The following CNTNAP2 variants were observed in gnomAD, a reference collection of about 807,000 sequenced individuals.
The protein encoded by CNTNAP2 is contactin associated protein 2.
A neutral mutation model predicts 155.2 loss-of-function variants in CNTNAP2; 98 were observed. That is an observed-to-expected ratio of 0.63 (90% CI 0.54 to 0.75). The LOEUF is 0.75. Among genes scored for constraint, CNTNAP2 ranks in the 30% least tolerant of loss-of-function variants. The probability of loss-of-function intolerance (pLI) is 0.00; values close to 1 mark genes in which losing one functional copy is unlikely to be tolerated. For missense variants in CNTNAP2, 1,727 were observed against 1,688.1 expected (o/e 1.02, Z -0.40); for synonymous variants, 651 against 631.2 (o/e 1.03, Z -0.47).
rs543316075 is a variant in CNTNAP2 at position 147,944,820 on chromosome 7, A to G, written c.2256-33042A>G. Among the ~76,000 whole-genome samples, 14 of 152,262 alleles carry G rather than the reference A, an allele frequency of 9.2e-5. No homozygotes were observed. The South Asian group carries it at 1.9e-3, about 20-fold the overall frequency. On this transcript the variant is annotated intron_variant, in intron 14 of 23. Transcript: ENST00000361727. ...TTATTTTTCCTCCTTTCTCTCCCCA[A>G]TGTTGGCTGAGTTATGTTTATACCT...
chr7:146,264,108 T>A (rs1799959455), intron 1 of CNTNAP2, among the ~76,000 whole-genome samples: 1 of 152,060 alleles, frequency 6.6e-6, no homozygotes, highest in Non-Finnish European at 1.5e-5. Flanking sequence ...TCCAATGCTG[T>A]CAGTCAACAA....
At chr7:146,532,345 G>C (rs994275675) in intron 1 of CNTNAP2, among the ~76,000 whole-genome samples, 2 of 152,164 alleles carry the variant, frequency 1.3e-5, no homozygotes, top group African/African-American at 4.8e-5. Flanking sequence ...ATGGAAAAGT[G>C]TGTTGATGGG....
At chr7:147,584,843 C>T (rs931095384) in intron 12 of CNTNAP2, among the ~76,000 whole-genome samples, 1 of 152,136 alleles carries the variant, frequency 6.6e-6, no homozygotes, top group African/African-American at 2.4e-5. Context: ...CTGAGGTGGC[C>T]TCTTGGGGAA....
chr7:146,527,488 A>T (rs571650435), intron 1 of CNTNAP2, among the ~76,000 whole-genome samples: 1 of 150,196 alleles, frequency 6.7e-6, no homozygotes, highest in African/African-American at 2.5e-5. Flanking sequence ...ATCAGGCTCA[A>T]TGTCATATGT....
rs563215584 is a variant in CNTNAP2 at position 147,688,607 on chromosome 7, GA to G, written c.2098+49304del. ...TAACATTATTTTTCTCCTACAGATG[GA>G]AATGGAAGAGAGGAGAATAAAAATT... is the stretch of plus-strand genomic sequence containing the variant. On this transcript the variant is annotated intron_variant, in intron 13 of 23. Coordinates refer to ENST00000361727, the MANE Select transcript of CNTNAP2 (RefSeq NM_014141.6). 1.1e-4 allele frequency among the ~76,000 whole-genome samples: 16 copies of G among 152,200 alleles called. No individual in the cohort carries two copies. The South Asian group carries it at 2.5e-3, about 24-fold the overall frequency.
chr7:147,072,777 CTGT>C (rs1441824407), intron 4 of CNTNAP2, among the ~76,000 whole-genome samples: 1 of 150,966 alleles, frequency 6.6e-6, no homozygotes, highest in African/African-American at 2.4e-5. Context: ...GATCACACAT[CTGT>C]TGTTTTTTTT....
intron 4 of CNTNAP2, among the ~76,000 whole-genome samples, chr7:147,088,535 A>G: frequency 6.6e-6 from 1 of 152,242 alleles, no homozygotes; most frequent in East Asian, 1.9e-4. Context: ...AATACATAGT[A>G]GTCAGTCATA....
At position 147,043,981 on chromosome 7, in the gene CNTNAP2, G is replaced by C. The variant is rs759357451; in HGVS notation, c.477G>C (p.Val159=). 6.2e-7 allele frequency: 1 copy of C among 1,614,106 alleles called. No individual in the cohort carries two copies. Among genetic ancestry groups the C allele is most frequent in the Non-Finnish European group, 8.5e-7 (1 of 1,180,036 alleles). The change falls in exon 4 of 24, where the codon GTG becomes GTC. Residue 159 remains valine, a synonymous_variant. Coordinates refer to ENST00000361727, the MANE Select transcript of CNTNAP2 (RefSeq NM_014141.6). ...AGCATCCGATTATTGCCCGCTATGT[G>C]CGCATAGTGCCTCTGGATTGGAATG... The part of the protein sequence containing the change: ...ELQHPIIARY[V]RIVPLDWNGE...
chr7:147,644,652 G>A (rs1447086021), intron 13 of CNTNAP2, among the ~76,000 whole-genome samples: 1 of 152,044 alleles, frequency 6.6e-6, no homozygotes, highest in Non-Finnish European at 1.5e-5. Context: ...AACAAATCTT[G>A]AATTAGATAA....
chr7:146,630,820 A>G (rs1235744987), intron 1 of CNTNAP2, among the ~76,000 whole-genome samples: 2 of 152,142 alleles, frequency 1.3e-5, no homozygotes, highest in African/African-American at 4.8e-5. Flanking sequence ...TGCTACAAAG[A>G]GAATAAAATA....
intron 14 of CNTNAP2, among the ~76,000 whole-genome samples, chr7:147,971,049 A>G (rs963972249): frequency 6.6e-6 from 1 of 152,204 alleles, no homozygotes; most frequent in African/African-American, 2.4e-5. Context: ...TCAATGGAAT[A>G]CATAAATATA....
intron 1 of CNTNAP2, among the ~76,000 whole-genome samples, chr7:146,426,199 A>AAAAAAAAAAAAT (rs1796086402): frequency 6.7e-6 from 1 of 149,812 alleles, no homozygotes; most frequent in Non-Finnish European, 1.5e-5. Context: ...AAAAAAAAAA[A>AAAAAAAAAAAAT]AAAAAAAAAA....
intron 18 of CNTNAP2, among the ~76,000 whole-genome samples, chr7:148,207,283 A>G (rs537301290): frequency 9.2e-5 from 14 of 152,350 alleles, no homozygotes; most frequent in Admixed American, 7.8e-4. Flanking sequence ...GTGAATAAAT[A>G]GCTAAGTAGT....
chr7:147,378,927 C>G (rs549767809), intron 9 of CNTNAP2, among the ~76,000 whole-genome samples: 7 of 151,996 alleles, frequency 4.6e-5, no homozygotes, highest in Non-Finnish European at 8.8e-5. Flanking sequence ...CCCATAATCC[C>G]TACATGTCGT....
intron 9 of CNTNAP2, among the ~76,000 whole-genome samples, chr7:147,342,951 T>A (rs1001170906): frequency 7.9e-5 from 12 of 152,162 alleles, no homozygotes; most frequent in Non-Finnish European, 1.8e-4. Context: ...TATATATCAC[T>A]TTTTTCACGG....
chr7:147,184,536 G>A (rs1802526492), intron 8 of CNTNAP2, among the ~76,000 whole-genome samples: 2 of 152,100 alleles, frequency 1.3e-5, no homozygotes, highest in Non-Finnish European at 2.9e-5. Flanking sequence ...CAAAATGACT[G>A]AACCAGACTG....
At chr7:146,496,966 A>G (rs1797224911) in intron 1 of CNTNAP2, among the ~76,000 whole-genome samples, 2 of 152,184 alleles carry the variant, frequency 1.3e-5, no homozygotes, top group South Asian at 2.1e-4. Flanking sequence ...GAAACTTCCC[A>G]TTGGAATTGT....
intron 1 of CNTNAP2, among the ~76,000 whole-genome samples, chr7:146,462,604 C>G (rs1342597811): frequency 1.3e-5 from 2 of 152,090 alleles, no homozygotes. Context: ...GTTTTGTTTT[C>G]AGAATATCTC....
chr7:146,593,395 G>A (rs1798812724), intron 1 of CNTNAP2, among the ~76,000 whole-genome samples: 1 of 152,042 alleles, frequency 6.6e-6, no homozygotes, highest in Non-Finnish European at 1.5e-5. Context: ...GATCAGGAAA[G>A]AGGGTTGAAT....
Sources: allele counts gnomAD v4.1 joint callset (sites outside exome capture counted in the v4.1 genomes callset), GRCh38; gene constraint gnomAD v4.1.1; transcripts MANE v1.5; gene names NCBI Gene and HGNC (gene_info 2026-07-23, HGNC 2026-07-21).